Variants in CELF2 observed in about 807,000 individuals in gnomAD.
The protein encoded by CELF2 is CUGBP Elav-like family member 2.
CELF2 carries 8 observed loss-of-function variants against 62.6 expected under a neutral mutation model. That is an observed-to-expected ratio of 0.13 (90% CI 0.07 to 0.23). The LOEUF is 0.23. Ranked by LOEUF, CELF2 falls within the 10% of genes least tolerant of loss-of-function variation. The pLI is 1.00. For missense variants in CELF2, 333 were observed against 671.0 expected (o/e 0.50, Z 5.56); for synonymous variants, 258 against 250.0 (o/e 1.03, Z -0.30).
chr10:10,622,466 G>A, the CELF2 span, among the ~76,000 whole-genome samples: 2 of 150,372 alleles, frequency 1.3e-5, no homozygotes, highest in African/African-American at 4.9e-5. Flanking sequence ...ACATACGTAT[G>A]TGTGTGTGTG....
chr10:11,192,940 A>T (rs567586386), intron 2 of CELF2, among the ~76,000 whole-genome samples: 1 of 152,328 alleles, frequency 6.6e-6, no homozygotes, highest in Admixed American at 6.5e-5. Flanking sequence ...GTGCTCTGGT[A>T]AATTTCGTTT....
Position 11,191,657 on chromosome 10 carries a change from C to T in CELF2, c.272-25768C>T, listed in dbSNP as rs74745951. Reference sequence around the variant, plus strand: ...ACTGTGGCCTCCCCAGGATGTTACACGTCCTGGCCTCCTCCCTGCAGAAGA... The same window carrying T: ...ACTGTGGCCTCCCCAGGATGTTACATGTCCTGGCCTCCTCCCTGCAGAAGA... On this transcript the variant is annotated intron_variant, in intron 2 of 12. Transcript: ENST00000633077. The surrounding 1 kb of genome is among the most constrained non-coding windows in gnomAD (Gnocchi z 4.1). Among the ~76,000 whole-genome samples the T allele has an allele frequency of 0.015, 2,359 of 152,296 alleles. 17 individuals are homozygous for T. The highest frequency in any genetic ancestry group is 0.027 in the South Asian group (128 of 4,828).
intron 1 of CELF2, among the ~76,000 whole-genome samples, chr10:11,071,126 C>T (rs1486098464): frequency 6.6e-6 from 1 of 152,156 alleles, no homozygotes; most frequent in East Asian, 1.9e-4. Flanking sequence ...GCTAATTCTG[C>T]TGTAATTTAA....
intron 1 of CELF2, among the ~76,000 whole-genome samples, chr10:11,036,606 T>C (rs1259619194): frequency 2.0e-5 from 3 of 152,236 alleles, no homozygotes; most frequent in Non-Finnish European, 2.9e-5. Context: ...ATGGGAATCA[T>C]ACTTGGCTCT....
At chr10:10,517,777 G>A in the CELF2 span, among the ~76,000 whole-genome samples, 1 of 152,222 alleles carries the variant, frequency 6.6e-6, no homozygotes, top group Non-Finnish European at 1.5e-5. Flanking sequence ...GAGCTCTGAA[G>A]CTTGTCCAAA....
intron 1 of CELF2, among the ~76,000 whole-genome samples, chr10:11,057,984 T>G (rs764028397): frequency 1.3e-5 from 2 of 152,072 alleles, no homozygotes; most frequent in Non-Finnish European, 1.5e-5. Context: ...TTAGTCTAGC[T>G]TTTAGATTGC....
the CELF2 span, among the ~76,000 whole-genome samples, chr10:10,768,373 T>A: frequency 9.2e-5 from 14 of 152,124 alleles, no homozygotes; most frequent in East Asian, 2.7e-3. Flanking sequence ...CGCAACGTGT[T>A]CGCAGGTTAC....
intron 1 of CELF2, among the ~76,000 whole-genome samples, chr10:10,873,463 C>A (rs1019860898): frequency 1.3e-5 from 2 of 152,142 alleles, no homozygotes; most frequent in Non-Finnish European, 2.9e-5. Flanking sequence ...GTGACAACAT[C>A]TTTTATCCCA....
the CELF2 span, among the ~76,000 whole-genome samples, chr10:10,487,973 C>T: frequency 6.6e-6 from 1 of 151,964 alleles, no homozygotes; most frequent in African/African-American, 2.4e-5. Flanking sequence ...GTGATCATTA[C>T]ATGATTGTTA....
chr10:10,832,665 C>A (rs571699948), intron 1 of CELF2, among the ~76,000 whole-genome samples: 1 of 152,120 alleles, frequency 6.6e-6, no homozygotes, highest in African/African-American at 2.4e-5. Flanking sequence ...TGATTCAGGG[C>A]GGAAATCCCA....
At chr10:10,952,197 G>A (rs866262137) in intron 2 of CELF2, 1 of 152,208 alleles carries the variant, frequency 6.6e-6, no homozygotes, top group Non-Finnish European at 1.5e-5. Flanking sequence ...GCATTACCAC[G>A]TTGGTTGTAC....
chr10:11,261,832 A>G (rs2080719314), intron 5 of CELF2, among the ~76,000 whole-genome samples: 2 of 152,208 alleles, frequency 1.3e-5, no homozygotes, highest in Admixed American at 1.3e-4. Flanking sequence ...GGCAATTCAC[A>G]TGAGGTGTTT....
At chr10:10,667,647 C>A in the CELF2 span, among the ~76,000 whole-genome samples, 1 of 152,174 alleles carries the variant, frequency 6.6e-6, no homozygotes, top group Non-Finnish European at 1.5e-5. Context: ...AACGTTCTCC[C>A]GTGTGTGGGC....
Position 11,270,090 on chromosome 10 carries a change from T to G in CELF2, c.619-576T>G, listed in dbSNP as rs192369882. On this transcript the variant is annotated intron_variant, in intron 6 of 12. Coordinates refer to ENST00000633077, the MANE Select transcript of CELF2 (RefSeq NM_001326342.2). The surrounding 1 kb of genome is among the most constrained non-coding windows in gnomAD (Gnocchi z 5.8). ...GAATGCCTGTGTTCTCTGAATATCT[T>G]CTGCCCTCATCCTCAAAACTAAAAT... Among the ~76,000 whole-genome samples, 315 of 152,362 alleles carry G rather than the reference T, an allele frequency of 2.1e-3. 1 individual carries two copies. The highest frequency in any genetic ancestry group is 3.8e-3 in the Non-Finnish European group (256 of 68,036).
At chr10:11,163,301 C>T (rs1319357494) in intron 1 of CELF2, among the ~76,000 whole-genome samples, 1 of 152,190 alleles carries the variant, frequency 6.6e-6, no homozygotes, top group Non-Finnish European at 1.5e-5. Context: ...AGACCTGTGG[C>T]AATACCTTCC....
At chr10:10,682,526 T>A in the CELF2 span, among the ~76,000 whole-genome samples, 1 of 152,190 alleles carries the variant, frequency 6.6e-6, no homozygotes, top group Non-Finnish European at 1.5e-5. Flanking sequence ...AGACTGAAGG[T>A]GTTCCGTTTG....
the CELF2 span, among the ~76,000 whole-genome samples, chr10:10,564,666 A>ACACACACACACACG: frequency 3.8e-4 from 39 of 102,300 alleles, no homozygotes; most frequent in African/African-American, 1.6e-3. Context: ...ACACACACAC[A>ACACACACACACACG]CACACACGCA....
At position 11,241,813 on chromosome 10, in the gene CELF2, G is replaced by A. The variant is rs575639280; in HGVS notation, c.355-7340G>A. 5.3e-5 allele frequency among the ~76,000 whole-genome samples: 8 copies of A among 152,254 alleles called. No homozygotes were observed. In the East Asian group the frequency reaches 9.6e-4, roughly 18 times the overall value. On this transcript the variant is annotated intron_variant, in intron 3 of 12. Coordinates refer to ENST00000633077, the MANE Select transcript of CELF2 (RefSeq NM_001326342.2). ...CTATGTAATAGAAGGTCTCGTGGTG[G>A]GGCATGCTGTCTTTCATTTGAGGGG...
the CELF2 span, among the ~76,000 whole-genome samples, chr10:10,636,423 C>T: frequency 1.8e-4 from 28 of 152,262 alleles, no homozygotes; most frequent in Non-Finnish European, 2.9e-4. Flanking sequence ...TGGAGTTCAG[C>T]AATAAAATCA....
Sources: gnomAD v4.1 joint callset for allele counts (sites outside exome capture counted in the v4.1 genomes callset) on GRCh38, gnomAD v4.1.1 for gene constraint, Gnocchi (gnomAD v3.1) non-coding constraint, MANE v1.5 for transcripts, NCBI Gene and HGNC (gene_info 2026-07-23, HGNC 2026-07-21) for gene names.